GAS7: variants seen among roughly 807,000 people sequenced by gnomAD.
GAS7 encodes the protein growth arrest-specific protein 7.
Under a neutral mutation model 71.1 loss-of-function variants are expected in GAS7, and 28 were observed. That is an observed-to-expected ratio of 0.39 (90% CI 0.29 to 0.54). The LOEUF (loss-of-function observed/expected upper bound fraction) is 0.54. GAS7 is among the 20% of genes least tolerant of loss of function. The probability of loss-of-function intolerance (pLI) is 0.62; values close to 1 mark genes in which losing one functional copy is unlikely to be tolerated. For synonymous variants in GAS7, 258 were observed against 245.8 expected (o/e 1.05, Z -0.46); for missense variants, 436 against 627.8 (o/e 0.69, Z 3.27).
chr17:10,145,397 A>G (rs1018070238), intron 1 of GAS7, among the ~76,000 whole-genome samples: 1 of 152,244 alleles, frequency 6.6e-6, no homozygotes, highest in Non-Finnish European at 1.5e-5. Context: ...GAGGAAGCTC[A>G]GGCAGTGTGT....
intron 1 of GAS7, chr17:10,036,547 A>T: frequency 6.3e-7 from 1 of 1,581,804 alleles, no homozygotes; most frequent in Non-Finnish European, 8.6e-7. Context: ...TCTTCATGGC[A>T]GCCTCTCCGG....
Position 9,940,210 on chromosome 17 carries a change from G to A in GAS7, c.732-10C>T. On this transcript the variant is annotated splice_polypyrimidine_tract_variant and intron_variant, in intron 7 of 13. Transcript: ENST00000432992. ...TTCTTCAATCTTTATCCTGCAAAGAGAGAAAACCCAACACACATCAGCTCT... is the reference window on the plus strand; with the variant it reads ...TTCTTCAATCTTTATCCTGCAAAGAAAGAAAACCCAACACACATCAGCTCT... The A allele has an allele frequency of 1.2e-6, 2 of 1,609,484 alleles. No individual in the cohort carries two copies. The highest frequency in any genetic ancestry group is 2.2e-5 in the East Asian group (1 of 44,856).
rs1415025148 is a variant in GAS7 at position 9,910,767 on chromosome 17, C to G, written c.*6461G>C. On this transcript the variant is annotated 3_prime_UTR_variant, in exon 14 of 14. Coordinates refer to ENST00000432992, the MANE Select transcript of GAS7 (RefSeq NM_201433.2). ...TGCGGGGGCAGGTGGGTTACAGCCTCCACTGGGATCAGGGTTTCAACAGTG... is the reference window on the plus strand; with the variant it reads ...TGCGGGGGCAGGTGGGTTACAGCCTGCACTGGGATCAGGGTTTCAACAGTG... The G allele has an allele frequency of 2.7e-5, 6 of 223,636 alleles. No individual in the cohort carries two copies. The highest frequency in any genetic ancestry group is 5.4e-5 in the Non-Finnish European group (6 of 112,012). The allele number at this position is 223,636 out of a possible 1,614,324, so 13.9% of individuals were successfully genotyped here.
At chr17:10,071,959 GAAA>G (rs369885460) in intron 1 of GAS7, among the ~76,000 whole-genome samples, 3 of 148,090 alleles carry the variant, frequency 2.0e-5, no homozygotes, top group Admixed American at 6.7e-5. Context: ...AAAAAGAAAA[GAAA>G]AAAAAGAAAA....
chr17:9,988,792 C>T (rs2070734977), intron 2 of GAS7, among the ~76,000 whole-genome samples: 1 of 151,992 alleles, frequency 6.6e-6, no homozygotes, highest in South Asian at 2.1e-4. Flanking sequence ...AGCCCCTCCA[C>T]ATCTGGCATC....
At chr17:9,973,297 C>T (rs1052089083) in intron 3 of GAS7, among the ~76,000 whole-genome samples, 2 of 151,696 alleles carry the variant, frequency 1.3e-5, no homozygotes, top group African/African-American at 2.4e-5. Flanking sequence ...CTTCATCACC[C>T]AGGCTGGAGT....
intron 7 of GAS7, among the ~76,000 whole-genome samples, chr17:9,942,522 C>T (rs55740538): frequency 0.19 from 29,180 of 152,094 alleles, 3,059 homozygotes; most frequent in Non-Finnish European, 0.23. Context: ...ATCTGTGTTC[C>T]CAAGCTCTTT....
chr17:10,018,517 G>C (rs1030720326), intron 2 of GAS7, among the ~76,000 whole-genome samples: 1 of 152,194 alleles, frequency 6.6e-6, no homozygotes, highest in Non-Finnish European at 1.5e-5. Flanking sequence ...TCCGGTAACA[G>C]TGCAAAGCTG....
At chr17:10,083,370 T>C (rs1007415542) in intron 1 of GAS7, among the ~76,000 whole-genome samples, 16 of 152,080 alleles carry the variant, frequency 1.1e-4, no homozygotes, top group Admixed American at 2.6e-4. Flanking sequence ...CTACTAAAAA[T>C]ACAAAAATTA....
intron 1 of GAS7, among the ~76,000 whole-genome samples, chr17:10,100,972 A>G (rs1211955833): frequency 6.6e-6 from 1 of 152,174 alleles, no homozygotes; most frequent in Admixed American, 6.5e-5. Context: ...TAGCGACTTA[A>G]AACAACAGTC....
At chr17:10,196,885 G>A (rs563803109) in intron 1 of GAS7, among the ~76,000 whole-genome samples, 7 of 152,252 alleles carry the variant, frequency 4.6e-5, no homozygotes, top group African/African-American at 1.4e-4. Flanking sequence ...GCCAGGGCAG[G>A]GCACACCTGA....
chr17:10,101,834 A>G (rs560440651), intron 1 of GAS7, among the ~76,000 whole-genome samples: 115 of 152,246 alleles, frequency 7.6e-4, no homozygotes, highest in Non-Finnish European at 1.0e-3. Context: ...GACCCATCTA[A>G]GTTGGCTTCT....
At chr17:10,063,581 G>C (rs1480618333) in intron 1 of GAS7, among the ~76,000 whole-genome samples, 1 of 152,152 alleles carries the variant, frequency 6.6e-6, no homozygotes, top group Non-Finnish European at 1.5e-5. Flanking sequence ...GGCAAACTGG[G>C]GCAGAGTGCA....
intron 1 of GAS7, among the ~76,000 whole-genome samples, chr17:10,020,495 T>C (rs1370572377): frequency 1.3e-5 from 2 of 152,212 alleles, no homozygotes; most frequent in Non-Finnish European, 2.9e-5. Flanking sequence ...TCCCATTGTA[T>C]GCATTTATGT....
chr17:10,160,683 G>T (rs2074247140), intron 1 of GAS7, among the ~76,000 whole-genome samples: 1 of 152,294 alleles, frequency 6.6e-6, no homozygotes, highest in African/African-American at 2.4e-5. Context: ...CTATAATATA[G>T]AAAGTTAAGG....
intron 1 of GAS7, among the ~76,000 whole-genome samples, chr17:10,040,473 A>C (rs1050255234): frequency 3.9e-5 from 6 of 152,204 alleles, no homozygotes; most frequent in Non-Finnish European, 8.8e-5. Flanking sequence ...GAGAAGTCAC[A>C]ATCAGGGCTG....
chr17:10,010,487 TTTCTG>T (rs149214581), intron 2 of GAS7, among the ~76,000 whole-genome samples: 14,838 of 152,154 alleles, frequency 0.098, 826 homozygotes, highest in African/African-American at 0.15. Flanking sequence ...TGTCAAACTT[TTTCTG>T]TTAAGGGTCA....
At chr17:10,134,037 CT>C (rs950710602) in intron 1 of GAS7, among the ~76,000 whole-genome samples, 1,176 of 67,066 alleles carry the variant, frequency 0.018, 23 homozygotes, top group African/African-American at 0.058. Flanking sequence ...TTTCTTTTTT[CT>C]TTTTTTTTTG....
chr17:9,989,674 T>C (rs2070768388), intron 2 of GAS7, among the ~76,000 whole-genome samples: 1 of 152,128 alleles, frequency 6.6e-6, no homozygotes, highest in Admixed American at 6.6e-5. Flanking sequence ...GGATAGAAAG[T>C]GTTATGAGAA....
Sources: gnomAD v4.1 joint callset for allele counts (sites outside exome capture counted in the v4.1 genomes callset) on GRCh38, gnomAD v4.1.1 for gene constraint, MANE v1.5 for transcripts, NCBI Gene and HGNC (gene_info 2026-07-23, HGNC 2026-07-21) for gene names.